The following GRIK5 variants were observed in gnomAD, a reference collection of about 807,000 sequenced individuals.
GRIK5 encodes glutamate ionotropic receptor kainate type subunit 5.
GRIK5 carries 43 observed loss-of-function variants against 97.4 expected under a neutral mutation model. The ratio of observed to expected loss-of-function variants is 0.44; its 90% confidence interval spans 0.35 to 0.57. GRIK5 has a LOEUF of 0.57. Among genes scored for constraint, GRIK5 ranks in the 20% least tolerant of loss-of-function variants. The pLI is 0.01. For synonymous variants in GRIK5, 580 were observed against 583.5 expected (o/e 0.99, Z 0.09); for missense variants, 1,015 against 1,382.0 (o/e 0.73, Z 4.21).
chr19:42,000,039 G>T (rs2075411838), intron 19 of GRIK5, among the ~76,000 whole-genome samples: 1 of 152,256 alleles, frequency 6.6e-6, no homozygotes, highest in African/African-American at 2.4e-5. Context: ...CACGTCTGAG[G>T]CACTGCAAGC....
Position 42,003,067 on chromosome 19 carries a change from T to C in GRIK5, c.2514+265A>G, listed in dbSNP as rs1008148307. On this transcript the variant is annotated intron_variant, in intron 19 of 19. Coordinates refer to ENST00000593562, the MANE Select transcript of GRIK5 (RefSeq NM_002088.5). The surrounding 1 kb of genome is among the most constrained non-coding windows in gnomAD (Gnocchi z 4.2). ...CTCTTCTTATTTCTTCTTGCTTTTC[T>C]GCCTCTGTGGCTCCCCACATCCTGT... Among the ~76,000 whole-genome samples the C allele has an allele frequency of 6.6e-6, 1 of 152,104 alleles. No individual in the cohort carries two copies. Among genetic ancestry groups the C allele is most frequent in the Non-Finnish European group, 1.5e-5 (1 of 68,006 alleles).
chr19:42,041,341 A>G (rs1003358420), intron 12 of GRIK5, among the ~76,000 whole-genome samples: 1 of 152,114 alleles, frequency 6.6e-6, no homozygotes, highest in Non-Finnish European at 1.5e-5. Flanking sequence ...TCAGGGGCCT[A>G]CTTATCTCCC....
intron 15 of GRIK5, among the ~76,000 whole-genome samples, chr19:42,010,858 T>C (rs756596409): frequency 6.6e-6 from 1 of 152,080 alleles, no homozygotes; most frequent in Non-Finnish European, 1.5e-5. Context: ...TGCTCTAGGG[T>C]GGAGAGGCGT....
intron 1 of GRIK5, 152 bp downstream of exon 1, chr19:42,069,089 G>A (rs2076385626): frequency 2.2e-6 from 1 of 454,458 alleles, no homozygotes. Context: ...GGACGCTGAG[G>A]AGATGGAGGG....
chr19:42,005,649 C>G, intron 17 of GRIK5, 74 bp downstream of exon 17: 2 of 1,059,642 alleles, frequency 1.9e-6, no homozygotes, highest in Non-Finnish European at 2.9e-6. Context: ...GTGCCTGGCC[C>G]GGTCCTGGGC....
At chr19:42,016,455 C>A (rs2075625507) in intron 15 of GRIK5, among the ~76,000 whole-genome samples, 1 of 152,288 alleles carries the variant, frequency 6.6e-6, no homozygotes, top group South Asian at 2.1e-4. Context: ...ACAACAACAA[C>A]AAAAATTACT....
intron 5 of GRIK5, among the ~76,000 whole-genome samples, chr19:42,061,266 G>C (rs1054119134): frequency 6.6e-6 from 1 of 152,140 alleles, no homozygotes; most frequent in Non-Finnish European, 1.5e-5. Flanking sequence ...GGATGGTCTC[G>C]ATCTCCTGAC....
chr19:42,018,795 C>T, intron 15 of GRIK5, among the ~76,000 whole-genome samples: 1 of 150,990 alleles, frequency 6.6e-6, no homozygotes, highest in Non-Finnish European at 1.5e-5. Context: ...GAGGAGGGGC[C>T]CAGGTAGTGG....
At chr19:42,024,741 A>G (rs1599776019) in intron 12 of GRIK5, among the ~76,000 whole-genome samples, 1 of 151,634 alleles carries the variant, frequency 6.6e-6, no homozygotes, top group South Asian at 2.1e-4. Flanking sequence ...GCCACTCGCC[A>G]CCCCTCTCTC....
chr19:42,016,322 G>A (rs767136612), intron 15 of GRIK5, among the ~76,000 whole-genome samples: 1 of 152,240 alleles, frequency 6.6e-6, no homozygotes, highest in Non-Finnish European at 1.5e-5. Context: ...TCGGGAGGCT[G>A]AGCCAGGAGA....
intron 12 of GRIK5, among the ~76,000 whole-genome samples, chr19:42,036,273 G>A (rs1211048915): frequency 1.3e-5 from 2 of 152,054 alleles, no homozygotes; most frequent in East Asian, 3.9e-4. Context: ...TGTTGGCGGG[G>A]CTGGTCTCGA....
chr19:42,013,699 C>T (rs936502480), intron 15 of GRIK5, among the ~76,000 whole-genome samples: 3 of 152,034 alleles, frequency 2.0e-5, no homozygotes, highest in East Asian at 1.9e-4. Flanking sequence ...CGTGAGCCAC[C>T]GCGCCCGGCC....
At chr19:42,058,274 G>A (rs987724225) in intron 6 of GRIK5, among the ~76,000 whole-genome samples, 14 of 151,794 alleles carry the variant, frequency 9.2e-5, no homozygotes, top group Non-Finnish European at 1.3e-4. Flanking sequence ...TCCACCTCCC[G>A]GGTTCAAGTG....
chr19:42,067,731 G>A (rs1252009808), intron 1 of GRIK5, among the ~76,000 whole-genome samples: 1 of 152,150 alleles, frequency 6.6e-6, no homozygotes, highest in African/African-American at 2.4e-5. Flanking sequence ...TGGACACAGA[G>A]ATACACACAG....
rs1599844899 is a variant in GRIK5, at chr19:42,059,427, G to A, written c.609C>T (p.Leu203=). 2 of 1,613,974 alleles carry A rather than the reference G, an allele frequency of 1.2e-6. No individual in the cohort carries two copies. ...LDDSRDPTPL[L]KEIRDDKVST... The stretch of plus-strand genomic sequence containing the variant: ...ACACCTTGTCATCACGGATCTCCTT[G>A]AGCAGTGGTGTGGGGTCCCGGCTGT... The change falls in exon 6 of 20, where the codon CTC becomes CTT. Residue 203 remains leucine, a synonymous_variant. Transcript: ENST00000593562.
intron 15 of GRIK5, among the ~76,000 whole-genome samples, chr19:42,020,653 C>T (rs2075685124): frequency 6.6e-6 from 1 of 152,172 alleles, no homozygotes; most frequent in South Asian, 2.1e-4. Flanking sequence ...AGCTAAAACC[C>T]ACCAAAACTA....
At chr19:42,023,159 A>AC (rs951625515) in intron 12 of GRIK5, among the ~76,000 whole-genome samples, 23 of 151,744 alleles carry the variant, frequency 1.5e-4, no homozygotes, top group Non-Finnish European at 3.1e-4. Flanking sequence ...AAGGACACAG[A>AC]CCCCAAAGAT....
intron 12 of GRIK5, among the ~76,000 whole-genome samples, chr19:42,037,346 CT>C (rs1397945502): frequency 2.0e-5 from 3 of 152,146 alleles, no homozygotes; most frequent in Non-Finnish European, 4.4e-5. Flanking sequence ...ATAATCCCAG[CT>C]ACTTAGGAGG....
chr19:42,021,228 A>C lies in GRIK5; in HGVS notation c.1871+73T>G. On this transcript the variant is annotated intron_variant, in intron 15 of 19. Transcript: ENST00000593562. The surrounding 1 kb of genome is among the most constrained non-coding windows in gnomAD (Gnocchi z 4.2). ...AATCAAATCTTCCAGGAGATGCCAC[A>C]GCCCCAACCCCATCCAGGCCTCAGA... 8.1e-7 allele frequency: 1 copy of C among 1,235,670 alleles called. No homozygotes were observed. Among genetic ancestry groups the C allele is most frequent in the East Asian group, 2.5e-5 (1 of 40,312 alleles). The allele number at this position is 1,235,670 out of a possible 1,614,324, so 76.5% of individuals were successfully genotyped here.
Sources: gnomAD v4.1 joint callset for allele counts (sites outside exome capture counted in the v4.1 genomes callset) on GRCh38, gnomAD v4.1.1 for gene constraint, Gnocchi (gnomAD v3.1) non-coding constraint, MANE v1.5 for transcripts, NCBI Gene and HGNC (gene_info 2026-07-23, HGNC 2026-07-21) for gene names.